Variants in CSMD1 observed in about 807,000 individuals in gnomAD.
CSMD1 encodes CUB and Sushi multiple domains 1.
A neutral mutation model predicts 417.5 loss-of-function variants in CSMD1; 213 were observed. That is an observed-to-expected ratio of 0.51 (90% CI 0.46 to 0.57). CSMD1 has a LOEUF of 0.57. Ranked by LOEUF, CSMD1 falls within the 20% of genes least tolerant of loss-of-function variation. The probability of loss-of-function intolerance (pLI) is 0.00; values close to 1 mark genes in which losing one functional copy is unlikely to be tolerated. For synonymous variants in CSMD1, 2,862 were observed against 1,736.8 expected (o/e 1.65, Z -16.11); for missense variants, 6,923 against 4,529.7 (o/e 1.53, Z -15.17).
intron 3 of CSMD1, among the ~76,000 whole-genome samples, chr8:4,115,227 T>C (rs1802071182): frequency 6.6e-6 from 1 of 152,188 alleles, no homozygotes; most frequent in Non-Finnish European, 1.5e-5. Context: ...CCACCAACAT[T>C]GAGGCAAGAG....
intron 1 of CSMD1, among the ~76,000 whole-genome samples, chr8:4,681,760 G>A (rs1471866317): frequency 6.6e-6 from 1 of 152,060 alleles, no homozygotes; most frequent in Non-Finnish European, 1.5e-5. Context: ...AGCATCCTCT[G>A]AAAAGATAAA....
At chr8:4,841,023 G>C (rs1057064189) in intron 1 of CSMD1, among the ~76,000 whole-genome samples, 1 of 152,142 alleles carries the variant, frequency 6.6e-6, no homozygotes, top group Non-Finnish European at 1.5e-5. Context: ...CAGCCCCCTG[G>C]CTCCACCCTG....
chr8:4,501,454 A>T (rs1332049473), intron 2 of CSMD1, among the ~76,000 whole-genome samples: 2 of 152,130 alleles, frequency 1.3e-5, no homozygotes, highest in African/African-American at 2.4e-5. Flanking sequence ...ATATTTCAAG[A>T]ATACTTTTCT....
At chr8:3,384,497 C>T (rs998870706) in intron 18 of CSMD1, among the ~76,000 whole-genome samples, 3 of 150,944 alleles carry the variant, frequency 2.0e-5, no homozygotes, top group Admixed American at 6.6e-5. Flanking sequence ...CCACATTGTT[C>T]GGTTTATCAT....
chr8:4,915,690 T>A (rs1806016711), intron 1 of CSMD1, among the ~76,000 whole-genome samples: 1 of 152,212 alleles, frequency 6.6e-6, no homozygotes, highest in East Asian at 1.9e-4. Flanking sequence ...GCAGTGGATT[T>A]CGGGAGAGGG....
At chr8:3,796,499 ATAGATATATATATCTATATATC>A (rs1800155707) in intron 5 of CSMD1, among the ~76,000 whole-genome samples, 1 of 144,190 alleles carries the variant, frequency 6.9e-6, no homozygotes, top group African/African-American at 2.5e-5. Flanking sequence ...ATGTATAGAT[ATAGATATATATATCTATATATC>A]TATATCTAAG....
intron 2 of CSMD1, among the ~76,000 whole-genome samples, chr8:4,587,860 T>C (rs944736425): frequency 1.3e-5 from 2 of 152,196 alleles, no homozygotes; most frequent in African/African-American, 4.8e-5. Flanking sequence ...AATTATGAAA[T>C]TTATTGAAAT....
At chr8:4,127,320 T>C (rs1225111749) in intron 3 of CSMD1, among the ~76,000 whole-genome samples, 1 of 151,906 alleles carries the variant, frequency 6.6e-6, no homozygotes, top group East Asian at 1.9e-4. Flanking sequence ...TCTAGACTTC[T>C]TTCTTTCTGG....
At chr8:4,798,450 G>C (rs567911834) in intron 1 of CSMD1, among the ~76,000 whole-genome samples, 2 of 152,094 alleles carry the variant, frequency 1.3e-5, no homozygotes, top group African/African-American at 4.8e-5. Flanking sequence ...AAGGAGATGA[G>C]ATTTTGCAAT....
At chr8:3,983,135 C>CTTT (rs201667296) in intron 5 of CSMD1, among the ~76,000 whole-genome samples, 6 of 133,510 alleles carry the variant, frequency 4.5e-5, no homozygotes, top group African/African-American at 8.7e-5. Context: ...ATCTTTCTTT[C>CTTT]TTTTTTTTTT....
chr8:3,905,471 C>T (rs941064444), intron 5 of CSMD1, among the ~76,000 whole-genome samples: 23 of 152,332 alleles, frequency 1.5e-4, no homozygotes, highest in East Asian at 1.9e-4. Flanking sequence ...GGTCCAATGA[C>T]GGTGACTTTC....
At position 3,294,872 on chromosome 8, in the gene CSMD1, T is replaced by C. The variant is rs73501922; in HGVS notation, c.3951-10526A>G. ...ACACTCCCCAGTGAGATGTACCCGG[T>C]ACCTTAGTTGGAAATGGAGAAATCG... On this transcript the variant is annotated intron_variant, in intron 25 of 69. Transcript: ENST00000635120. 5.8e-3 allele frequency among the ~76,000 whole-genome samples: 881 copies of C among 152,198 alleles called. 5 individuals carry two copies. The highest frequency in any genetic ancestry group is 0.019 in the African/African-American group (810 of 41,546).
rs117129617 is a variant in CSMD1 at position 4,774,608 on chromosome 8, T to C, written c.86-137050A>G. Among the ~76,000 whole-genome samples, 1,367 of 152,302 alleles carry C rather than the reference T, an allele frequency of 9.0e-3. 13 individuals carry two copies. The highest frequency in any genetic ancestry group is 0.013 in the Non-Finnish European group (870 of 68,028). Reference sequence around the variant, plus strand: ...GTAAGTTTGGGAGTTAATCAACTGATGTGGTTTGGATCCATTTCCCCACCC... The same window carrying C: ...GTAAGTTTGGGAGTTAATCAACTGACGTGGTTTGGATCCATTTCCCCACCC... On this transcript the variant is annotated intron_variant, in intron 1 of 69. Transcript: ENST00000635120.
chr8:4,536,167 G>C (rs184884533), intron 2 of CSMD1, among the ~76,000 whole-genome samples: 1 of 152,100 alleles, frequency 6.6e-6, no homozygotes, highest in African/African-American at 2.4e-5. Context: ...AGTAAGTAAG[G>C]AGATTTGTTT....
intron 2 of CSMD1, among the ~76,000 whole-genome samples, chr8:4,423,960 G>C (rs367903233): frequency 2.6e-5 from 4 of 152,080 alleles, no homozygotes; most frequent in South Asian, 4.1e-4. Context: ...AAAAGAAATT[G>C]CATAGAATAA....
At chr8:4,891,436 G>A (rs1007527835) in intron 1 of CSMD1, among the ~76,000 whole-genome samples, 3 of 152,118 alleles carry the variant, frequency 2.0e-5, no homozygotes, top group African/African-American at 7.2e-5. Context: ...ACATGCTACT[G>A]TGTGTGAACC....
At chr8:4,735,750 A>G (rs1031383491) in intron 1 of CSMD1, among the ~76,000 whole-genome samples, 2 of 152,160 alleles carry the variant, frequency 1.3e-5, no homozygotes. Flanking sequence ...AAGGACTGTT[A>G]GTCTTCCTAG....
At chr8:3,446,680 G>C (rs1037221117) in intron 12 of CSMD1, among the ~76,000 whole-genome samples, 8 of 152,110 alleles carry the variant, frequency 5.3e-5, no homozygotes, top group South Asian at 2.1e-4. Context: ...AAAAGTAAAA[G>C]GTAAATAGGA....
At chr8:4,877,134 G>A (rs1393480098) in intron 1 of CSMD1, among the ~76,000 whole-genome samples, 1 of 151,834 alleles carries the variant, frequency 6.6e-6, no homozygotes, top group African/African-American at 2.4e-5. Context: ...TTTTTATCAT[G>A]CTCTTTTTCA....
Sources: allele counts gnomAD v4.1 joint callset (sites outside exome capture counted in the v4.1 genomes callset), GRCh38; gene constraint gnomAD v4.1.1; transcripts MANE v1.5; gene names NCBI Gene and HGNC (gene_info 2026-07-23, HGNC 2026-07-21).